HDAC4: variants seen among roughly 807,000 people sequenced by gnomAD.
HDAC4 encodes the protein histone deacetylase A.
Under a neutral mutation model 135.1 loss-of-function variants are expected in HDAC4, and 16 were observed. The ratio of observed to expected loss-of-function variants is 0.12; its 90% CI spans 0.08 to 0.18. HDAC4 has a LOEUF of 0.18. HDAC4 is among the 10% of genes least tolerant of loss of function. The pLI is 1.00. For synonymous variants in HDAC4, 685 were observed against 653.4 expected, an observed-to-expected ratio of 1.05 and a Z score of -0.74; for missense variants, 1,143 against 1,511.8, an observed-to-expected ratio of 0.76 and a Z score of 4.05.
chr2:239,394,679 G>C (rs1696449800), intron 1 of HDAC4, among the ~76,000 whole-genome samples: 1 of 152,230 alleles, frequency 6.6e-6, no homozygotes, highest in Non-Finnish European at 1.5e-5. Flanking sequence ...CAGGAAACAG[G>C]CAATTCCAGA....
chr2:239,158,577 C>T (rs990193611), intron 6 of HDAC4, among the ~76,000 whole-genome samples: 2 of 152,076 alleles, frequency 1.3e-5, no homozygotes, highest in African/African-American at 4.8e-5. Flanking sequence ...GCAGCAGGTG[C>T]AGGAGGGGCT....
intron 2 of HDAC4, among the ~76,000 whole-genome samples, chr2:239,250,188 C>T (rs2048704413): frequency 6.6e-6 from 1 of 152,278 alleles, no homozygotes; most frequent in African/African-American, 2.4e-5. Context: ...ATGACTCTGA[C>T]AAGCACTATC....
rs1050831945 is a variant in HDAC4, at chr2:239,307,351, A to G, written c.22+45327T>C. 6.6e-6 allele frequency among the ~76,000 whole-genome samples: 1 copy of G among 152,166 alleles called. No individual in the cohort carries two copies. Among genetic ancestry groups the G allele is most frequent in the Non-Finnish European group, 1.5e-5 (1 of 68,022 alleles). On this transcript the variant is annotated intron_variant, in intron 2 of 26. Coordinates refer to ENST00000543185, the MANE Select transcript of HDAC4 (RefSeq NM_001378414.1). This position sits in a 1 kb window ranked among gnomAD's most constrained non-coding sequence, Gnocchi z 4.8. ...GAGAGCCGAGGAGCCGGAGGCCCCA[A>G]CACAAGAGCGGCTCTCCGTGATGCC... is the stretch of plus-strand genomic sequence containing the variant.
At chr2:239,296,680 T>C (rs60196695) in intron 2 of HDAC4, among the ~76,000 whole-genome samples, 32,656 of 152,102 alleles carry the variant, frequency 0.21, 3,683 homozygotes, top group African/African-American at 0.23. Context: ...CAGCACTGCT[T>C]AAATGTGTCC....
chr2:239,058,389 G>C (rs540490398), intron 24 of HDAC4, among the ~76,000 whole-genome samples: 1 of 152,270 alleles, frequency 6.6e-6, no homozygotes, highest in African/African-American at 2.4e-5. Flanking sequence ...CTGAAAAAAG[G>C]GATCAAACTA....
chr2:239,135,157 T>A (rs1433868227), intron 9 of HDAC4, among the ~76,000 whole-genome samples: 2 of 152,214 alleles, frequency 1.3e-5, no homozygotes, highest in African/African-American at 4.8e-5. Flanking sequence ...AGGATGGACA[T>A]CCCACACTTC....
intron 11 of HDAC4, among the ~76,000 whole-genome samples, chr2:239,132,034 A>G (rs1575138490): frequency 6.6e-6 from 1 of 152,144 alleles, no homozygotes; most frequent in Non-Finnish European, 1.5e-5. Flanking sequence ...GGCCCTGCTC[A>G]TGGCGGGGCT....
At chr2:239,205,893 T>C (rs549570914) in intron 3 of HDAC4, among the ~76,000 whole-genome samples, 16 of 152,312 alleles carry the variant, frequency 1.1e-4, no homozygotes, top group Non-Finnish European at 2.1e-4. Context: ...ATAGGGACTT[T>C]AGACATTTTA....
At position 239,092,882 on chromosome 2, in the gene HDAC4, C is replaced by T. The variant is rs538727299; in HGVS notation, c.2280+2128G>A. Among the ~76,000 whole-genome samples the T allele has an allele frequency of 1.7e-3, 260 of 152,128 alleles. 1 individual carries two copies. The highest frequency in any genetic ancestry group is 3.0e-3 in the Non-Finnish European group (202 of 67,966). ...TTTTGTTTTCTTTTCCTTTCTTTCT[C>T]TCTCTCTCGCTTCTCTCCTCTCCTT... On this transcript the variant is annotated intron_variant, in intron 17 of 26. Transcript: ENST00000543185.
At chr2:239,270,488 T>TA (rs1228490616) in intron 2 of HDAC4, among the ~76,000 whole-genome samples, 1 of 152,022 alleles carries the variant, frequency 6.6e-6, no homozygotes, top group Non-Finnish European at 1.5e-5. Context: ...AATGAGGCGA[T>TA]AGAGAAAAAG....
intron 2 of HDAC4, among the ~76,000 whole-genome samples, chr2:239,292,652 A>G (rs2051595835): frequency 6.6e-6 from 1 of 152,190 alleles, no homozygotes; most frequent in South Asian, 2.1e-4. Context: ...CAGGTCAAAT[A>G]AGGCATGATC....
chr2:239,243,838 G>A (rs144544976), intron 2 of HDAC4, among the ~76,000 whole-genome samples: 125 of 152,290 alleles, frequency 8.2e-4, no homozygotes, highest in Non-Finnish European at 1.5e-3. Flanking sequence ...CCATCAGGAT[G>A]CTGTGCTTAG....
intron 2 of HDAC4, among the ~76,000 whole-genome samples, chr2:239,302,895 G>A (rs2052351792): frequency 6.6e-6 from 1 of 152,228 alleles, no homozygotes; most frequent in Non-Finnish European, 1.5e-5. Context: ...GGCGTGCGGG[G>A]AATGGCATTG....
At position 239,090,004 on chromosome 2, in the gene HDAC4, C is replaced by A; in HGVS notation, c.2388+5G>T. The A allele has an allele frequency of 6.2e-7, 1 of 1,608,850 alleles. No individual in the cohort carries two copies. The highest frequency in any genetic ancestry group is 8.5e-7 in the Non-Finnish European group (1 of 1,175,472). On this transcript the variant is annotated splice_donor_5th_base_variant and intron_variant, in intron 18 of 26. Transcript: ENST00000543185. ...AGGGCCACCACTGTCCAGGCCCCGA[C>A]TGACCTTCAGCTCCCCTGTGGCCAC...
chr2:239,397,001 A>T (rs1345831970), intron 1 of HDAC4, among the ~76,000 whole-genome samples: 1 of 152,158 alleles, frequency 6.6e-6, no homozygotes, highest in African/African-American at 2.4e-5. Context: ...ACGTGACATA[A>T]GACAGCATGA....
rs1270588849 is a variant in HDAC4 at position 239,313,345 on chromosome 2, G to A, written c.22+39333C>T. On this transcript the variant is annotated intron_variant, in intron 2 of 26. Transcript: ENST00000543185. This position sits in a 1 kb window ranked among gnomAD's most constrained non-coding sequence, Gnocchi z 5.1. The stretch of plus-strand genomic sequence containing the variant: ...GGACTAATTTTAGAAGGGGCTTTGA[G>A]GAGAAACCCAAGGGACACTCACTTG... 1.3e-5 allele frequency among the ~76,000 whole-genome samples: 2 copies of A among 152,178 alleles called. No individual in the cohort carries two copies. Among genetic ancestry groups the A allele is most frequent in the African/African-American group, 2.4e-5 (1 of 41,448 alleles).
In HDAC4 at chr2:239,303,505, C is replaced by T. The variant is rs920255176; in HGVS notation, c.22+49173G>A. 1.3e-5 allele frequency among the ~76,000 whole-genome samples: 2 copies of T among 152,284 alleles called. No individual in the cohort carries two copies. Among genetic ancestry groups the T allele is most frequent in the East Asian group, 1.9e-4 (1 of 5,174 alleles). The stretch of plus-strand genomic sequence containing the variant: ...CGGCAGCGTGCTTCCTCGATCTCCC[C>T]GCTCCTTTCTCGGGACAGCCTGTGG... On this transcript the variant is annotated intron_variant, in intron 2 of 26. Coordinates refer to ENST00000543185, the MANE Select transcript of HDAC4 (RefSeq NM_001378414.1). This position sits in a 1 kb window ranked among gnomAD's most constrained non-coding sequence, Gnocchi z 5.1.
At chr2:239,203,229 C>T (rs1363963892) in intron 3 of HDAC4, among the ~76,000 whole-genome samples, 1 of 152,202 alleles carries the variant, frequency 6.6e-6, no homozygotes, top group African/African-American at 2.4e-5. Flanking sequence ...TCCAAACCCC[C>T]AGCAAGTGGG....
intron 3 of HDAC4, among the ~76,000 whole-genome samples, chr2:239,225,513 A>G (rs2047186439): frequency 6.6e-6 from 1 of 152,108 alleles, no homozygotes; most frequent in African/African-American, 2.4e-5. Context: ...GGGTGCCCCC[A>G]CCCCAGGGGG....
Sources: allele counts gnomAD v4.1 joint callset (sites outside exome capture counted in the v4.1 genomes callset), GRCh38; gene constraint gnomAD v4.1.1; non-coding constraint Gnocchi (gnomAD v3.1); transcripts MANE v1.5; gene names NCBI Gene and HGNC (gene_info 2026-07-23, HGNC 2026-07-21).